Variants in ZNF430 observed in about 807,000 individuals in gnomAD.
ZNF430 encodes the protein zinc finger protein 430.
In ZNF430, 35 loss-of-function variants were observed where a neutral mutation model predicts 56.7. The observed-to-expected ratio is 0.62, with a 90% CI of 0.47 to 0.82. The LOEUF (loss-of-function observed/expected upper bound fraction) is 0.82, where lower values mean the gene tolerates loss of function less well. ZNF430 is among the 40% of genes least tolerant of loss of function. ZNF430 has a pLI of 0.00. For synonymous variants in ZNF430, 212 were observed against 224.3 expected, an observed-to-expected ratio of 0.94 and a Z score of 0.49; for missense variants, 574 against 661.0, an observed-to-expected ratio of 0.87 and a Z score of 1.44.
intron 4 of ZNF430, among the ~76,000 whole-genome samples, chr19:21,042,040 T>C (rs574479233): frequency 3.3e-5 from 5 of 152,332 alleles, no homozygotes; most frequent in Non-Finnish European, 1.5e-5. Flanking sequence ...GGCTCTCACT[T>C]ACGAGTGAGA....
intron 4 of ZNF430, among the ~76,000 whole-genome samples, chr19:21,041,139 T>C (rs1397616942): frequency 6.6e-6 from 1 of 152,082 alleles, no homozygotes; most frequent in Non-Finnish European, 1.5e-5. Flanking sequence ...TAAATTTATC[T>C]ATTTTTGAGA....
At chr19:21,034,706 T>A (rs931871655) in intron 4 of ZNF430, 3 of 152,198 alleles carry the variant, frequency 2.0e-5, no homozygotes, top group African/African-American at 7.3e-5. Flanking sequence ...CCCAGTTAAT[T>A]TTTTGTATTT....
At position 21,038,123 on chromosome 19, in the gene ZNF430, C is replaced by T. The variant is rs185490579; in HGVS notation, c.322+3939C>T. 1.7e-4 allele frequency among the ~76,000 whole-genome samples: 26 copies of T among 151,532 alleles called. No homozygotes were observed. The East Asian group carries it at 4.9e-3, about 28-fold the overall frequency. On this transcript the variant is annotated intron_variant, in intron 4 of 4. Coordinates refer to ENST00000261560, the MANE Select transcript of ZNF430 (RefSeq NM_025189.4). ...TAGTGTCTTATCTAAGAAAATGGTG[C>T]CAAGACCAATGTCATGTCTTCTTTC... is the stretch of plus-strand genomic sequence containing the variant.
chr19:21,027,018 C>T (rs1262236111), intron 2 of ZNF430, among the ~76,000 whole-genome samples: 7 of 151,360 alleles, frequency 4.6e-5, no homozygotes, highest in Admixed American at 2.6e-4. Flanking sequence ...TTAGGAGAGA[C>T]GGGGTTTCAC....
chr19:21,023,685 A>G (rs1262423959), intron 2 of ZNF430, among the ~76,000 whole-genome samples: 5 of 152,190 alleles, frequency 3.3e-5, no homozygotes, highest in Non-Finnish European at 7.3e-5. Context: ...AATGTGGTAG[A>G]TAATTGGTGA....
chr19:21,057,458 C>T lies in ZNF430; in HGVS notation c.1150C>T (p.Arg384Ter), dbSNP rs779186254. Residue 384 changes from arginine to a stop codon, truncating the protein, a stop_gained, in exon 5 of 5, where the codon CGA becomes TGA. Transcript: ENST00000261560. LOFTEE classifies it high-confidence loss of function. ...KCEECGKAFY[R>*]FSYLTKHKII... ...TGAAGAATGTGGCAAAGCTTTTTACCGATTCTCATACCTTACTAAACATAA... is the reference window on the plus strand; with the variant it reads ...TGAAGAATGTGGCAAAGCTTTTTACTGATTCTCATACCTTACTAAACATAA... 10 of 1,613,244 alleles carry T rather than the reference C, an allele frequency of 6.2e-6. No individual in the cohort carries two copies. The South Asian group carries it at 6.6e-5, about 11-fold the overall frequency.
At chr19:21,027,401 T>C (rs775434755) in intron 2 of ZNF430, among the ~76,000 whole-genome samples, 11 of 152,196 alleles carry the variant, frequency 7.2e-5, no homozygotes, top group Non-Finnish European at 1.5e-4. Context: ...ATTGAGATAA[T>C]CTTGGTATTT....
intron 4 of ZNF430, among the ~76,000 whole-genome samples, chr19:21,054,239 T>C (rs1178342405): frequency 1.3e-5 from 2 of 152,202 alleles, no homozygotes; most frequent in African/African-American, 2.4e-5. Context: ...CAGAAAATAA[T>C]GTATTTTTCT....
intron 4 of ZNF430, among the ~76,000 whole-genome samples, chr19:21,056,094 C>A (rs1282901158): frequency 1.3e-5 from 2 of 152,164 alleles, no homozygotes; most frequent in Non-Finnish European, 2.9e-5. Flanking sequence ...TTGTGCTCAG[C>A]TGGGGCACTT....
intron 2 of ZNF430, 132 bp downstream of exon 2, chr19:21,023,013 G>A (rs1599487012): frequency 1.6e-6 from 1 of 616,122 alleles, no homozygotes; most frequent in South Asian, 2.0e-5. Flanking sequence ...GATTGTCTAA[G>A]GGGGCAGAAA....
At position 21,025,710 on chromosome 19, in the gene ZNF430, C is replaced by T. The variant is rs146118185; in HGVS notation, c.96+2829C>T. On this transcript the variant is annotated intron_variant, in intron 2 of 4. Transcript: ENST00000261560. ...CAAGTATTTCTCCTGCCTCAGCCTCCCCAGTAGCTGGGATTACAGGCGCCT... is the reference window on the plus strand; with the variant it reads ...CAAGTATTTCTCCTGCCTCAGCCTCTCCAGTAGCTGGGATTACAGGCGCCT... Among the ~76,000 whole-genome samples, 159 of 152,076 alleles carry T rather than the reference C, an allele frequency of 1.0e-3. 1 individual carries two copies. The highest frequency in any genetic ancestry group is 3.2e-3 in the African/African-American group (133 of 41,494).
intron 2 of ZNF430, 21 bp from the exon 3 acceptor site, chr19:21,033,435 T>A: frequency 6.2e-7 from 1 of 1,603,944 alleles, no homozygotes; most frequent in Non-Finnish European, 8.5e-7. Flanking sequence ...TACGTGTGTC[T>A]TGTGTGCTTG....
At chr19:21,021,468 C>G (rs1967682417) in intron 1 of ZNF430, among the ~76,000 whole-genome samples, 1 of 151,798 alleles carries the variant, frequency 6.6e-6, no homozygotes, top group African/African-American at 2.4e-5. Flanking sequence ...CACTGCACTA[C>G]AGCCTGTGTA....
intron 4 of ZNF430, among the ~76,000 whole-genome samples, chr19:21,039,374 C>T (rs1432831974): frequency 1.4e-5 from 2 of 147,620 alleles, no homozygotes; most frequent in Non-Finnish European, 3.0e-5. Context: ...GTATTATAGC[C>T]GTGAGCCACT....
chr19:21,056,525 A>G (rs760032729), intron 4 of ZNF430, 106 bp from the exon 5 acceptor site: 14 of 802,246 alleles, frequency 1.7e-5, no homozygotes, highest in Non-Finnish European at 2.3e-5. Flanking sequence ...TTATTTTGCT[A>G]TGCCATCTTG....
rs1285073608 is a variant in ZNF430, at chr19:21,056,888, A to G, written c.580A>G (p.Ile194Val). The change falls in exon 5 of 5, where the codon ATA becomes GTA. Residue 194 changes from isoleucine (I) to valine (V), a missense_variant. Ile to Val is a conservative substitution (Grantham distance 29, BLOSUM62 3). This residue lies in a region of ZNF430 where 346 missense variants were observed against 399.1 expected (regional missense o/e 0.87). Transcript: ENST00000261560. ...NVFYKFSNPN[I>V]QKIRHTGKKP... ...CTTTTATAAATTTTCAAATCCAAAT[A>G]TACAAAAGATAAGACATACTGGAAA... 8 of 1,609,866 alleles carry G rather than the reference A, an allele frequency of 5.0e-6. No individual in the cohort carries two copies. The African/African-American group carries it at 5.3e-5, about 11-fold the overall frequency.
At chr19:21,054,340 A>G (rs1968333813) in intron 4 of ZNF430, among the ~76,000 whole-genome samples, 1 of 151,638 alleles carries the variant, frequency 6.6e-6, no homozygotes, top group Non-Finnish European at 1.5e-5. Context: ...ACGGAGTACC[A>G]ATGCACTTTT....
chr19:21,052,940 G>C (rs113989888), intron 4 of ZNF430, among the ~76,000 whole-genome samples: 10 of 152,234 alleles, frequency 6.6e-5, no homozygotes, highest in African/African-American at 2.4e-4. Context: ...TTAGTGCACA[G>C]GTCCCTCCCC....
At chr19:21,032,360 A>G (rs1967918789) in intron 2 of ZNF430, among the ~76,000 whole-genome samples, 1 of 152,194 alleles carries the variant, frequency 6.6e-6, no homozygotes, top group African/African-American at 2.4e-5. Context: ...GGTTGCATTC[A>G]GATTATAATT....
Sources: gnomAD v4.1 joint callset for allele counts (sites outside exome capture counted in the v4.1 genomes callset) on GRCh38, gnomAD v4.1.1 for gene constraint, gnomAD v4.1.1 regional missense constraint, MANE v1.5 for transcripts, NCBI Gene and HGNC (gene_info 2026-07-23, HGNC 2026-07-21) for gene names.